The following ESRRG variants were observed in gnomAD, a reference collection of about 807,000 sequenced individuals.
The protein encoded by ESRRG is estrogen related receptor gamma.
Under a neutral mutation model 44.0 loss-of-function variants are expected in ESRRG, and 13 were observed. The observed-to-expected ratio is 0.30, with a 90% CI of 0.19 to 0.47. ESRRG has a LOEUF of 0.47. Among genes scored for constraint, ESRRG ranks in the 20% least tolerant of loss-of-function variants. The pLI is 1.00. For missense variants in ESRRG, 395 were observed against 580.6 expected (o/e 0.68, Z 3.29); for synonymous variants, 215 against 214.6 (o/e 1.00, Z -0.02).
At chr1:216,806,331 A>T (rs1390781659) in intron 2 of ESRRG, among the ~76,000 whole-genome samples, 2 of 152,184 alleles carry the variant, frequency 1.3e-5, no homozygotes, top group African/African-American at 4.8e-5. Flanking sequence ...TCAAGAGATG[A>T]TTTGAAATGT....
intron 1 of ESRRG, among the ~76,000 whole-genome samples, chr1:217,051,214 G>GGGA (rs1553259362): frequency 1.7e-4 from 20 of 116,062 alleles, no homozygotes; most frequent in African/African-American, 6.3e-4. Context: ...CGGGGGGGGG[G>GGGA]GGTGCCAGGG....
At chr1:216,806,002 A>T (rs2094780936) in intron 2 of ESRRG, among the ~76,000 whole-genome samples, 1 of 152,154 alleles carries the variant, frequency 6.6e-6, no homozygotes, top group South Asian at 2.1e-4. Flanking sequence ...TCTTTCCTCT[A>T]TGGGACTTGG....
chr1:216,790,349 A>C lies in ESRRG; in HGVS notation c.-13-112858T>G, dbSNP rs987539133. Reference sequence around the variant, plus strand: ...CTCACTTCTTTTGAGCCCATTCCCCATCTGTAAAATGGACACAATTATATT... The same window carrying C: ...CTCACTTCTTTTGAGCCCATTCCCCCTCTGTAAAATGGACACAATTATATT... On this transcript the variant is annotated intron_variant, in intron 2 of 7. Transcript: ENST00000359162. 3.9e-4 allele frequency among the ~76,000 whole-genome samples: 60 copies of C among 152,260 alleles called. 1 individual carries two copies. The highest frequency in any genetic ancestry group is 7.4e-4 in the Non-Finnish European group (50 of 68,002).
intron 4 of ESRRG, 146 bp from the exon 5 acceptor site, chr1:216,564,526 T>C: frequency 2.0e-6 from 1 of 507,688 alleles, no homozygotes; most frequent in Non-Finnish European, 3.3e-6. Flanking sequence ...TAGGTATATA[T>C]TAAACGGTGT....
intron 6 of ESRRG, among the ~76,000 whole-genome samples, chr1:216,515,668 T>C (rs2044039105): frequency 6.6e-6 from 1 of 152,092 alleles, no homozygotes; most frequent in Non-Finnish European, 1.5e-5. Context: ...AAACTTGACT[T>C]GAAAAATGTT....
chr1:216,645,322 C>T (rs1272987423), intron 3 of ESRRG, among the ~76,000 whole-genome samples: 1 of 152,054 alleles, frequency 6.6e-6, no homozygotes, highest in East Asian at 1.9e-4. Context: ...GTTCCAGCTT[C>T]ATTGATATAG....
chr1:217,071,041 T>C (rs1183249814), intron 1 of ESRRG, among the ~76,000 whole-genome samples: 3 of 152,112 alleles, frequency 2.0e-5, no homozygotes, highest in African/African-American at 7.2e-5. Flanking sequence ...TCCTCTTTCT[T>C]CTCCTCATTG....
chr1:217,046,566 A>G (rs2084914532), intron 1 of ESRRG, among the ~76,000 whole-genome samples: 1 of 152,166 alleles, frequency 6.6e-6, no homozygotes, highest in Non-Finnish European at 1.5e-5. Flanking sequence ...GATTTTTGAG[A>G]GGAAAATCTT....
chr1:216,806,398 A>C (rs191071650), intron 2 of ESRRG, among the ~76,000 whole-genome samples: 2 of 152,170 alleles, frequency 1.3e-5, no homozygotes, highest in African/African-American at 4.8e-5. Context: ...AGAATACATA[A>C]TTAGCTTGAG....
chr1:216,736,873 A>T (rs757933372), intron 2 of ESRRG, among the ~76,000 whole-genome samples: 1 of 152,136 alleles, frequency 6.6e-6, no homozygotes, highest in Non-Finnish European at 1.5e-5. Flanking sequence ...TGAGAATAGG[A>T]TCTCTATAGA....
chr1:216,994,261 T>C (rs1318275206), intron 1 of ESRRG, among the ~76,000 whole-genome samples: 1 of 152,214 alleles, frequency 6.6e-6, no homozygotes, highest in Non-Finnish European at 1.5e-5. Context: ...TCATTTCAAC[T>C]GACAATTGTT....
chr1:217,074,893 T>G (rs554884075), intron 1 of ESRRG, among the ~76,000 whole-genome samples: 1 of 152,328 alleles, frequency 6.6e-6, no homozygotes, highest in African/African-American at 2.4e-5. Flanking sequence ...AACAATGGTG[T>G]GAATAGTGTC....
At chr1:216,869,705 G>C (rs2096231997) in intron 2 of ESRRG, among the ~76,000 whole-genome samples, 1 of 151,896 alleles carries the variant, frequency 6.6e-6, no homozygotes, top group African/African-American at 2.4e-5. Flanking sequence ...ATTTATTTAG[G>C]TTAGATAGTC....
chr1:216,837,368 G>A (rs1217555218), intron 2 of ESRRG, among the ~76,000 whole-genome samples: 2 of 149,486 alleles, frequency 1.3e-5, no homozygotes, highest in East Asian at 2.0e-4. Context: ...CCAAGATCGT[G>A]CCACCGCACT....
chr1:216,913,592 C>G (rs536626470), intron 2 of ESRRG, among the ~76,000 whole-genome samples: 1 of 152,190 alleles, frequency 6.6e-6, no homozygotes, highest in Admixed American at 6.5e-5. Context: ...CAAGCGTGAG[C>G]GCTGCACTTT....
At chr1:216,941,531 A>G (rs886724829) in intron 1 of ESRRG, among the ~76,000 whole-genome samples, 10 of 152,184 alleles carry the variant, frequency 6.6e-5, no homozygotes, top group Non-Finnish European at 1.5e-4. Context: ...TCCCACACCA[A>G]CAACTATCTC....
intron 1 of ESRRG, among the ~76,000 whole-genome samples, chr1:216,969,185 G>A (rs1447200904): frequency 2.6e-5 from 4 of 152,038 alleles, no homozygotes; most frequent in Non-Finnish European, 4.4e-5. Flanking sequence ...AATCTCTGAG[G>A]ATATGGCAGT....
intron 1 of ESRRG, among the ~76,000 whole-genome samples, chr1:217,102,938 G>C (rs765125657): frequency 6.6e-6 from 1 of 152,172 alleles, no homozygotes; most frequent in Non-Finnish European, 1.5e-5. Flanking sequence ...GGCAGCTGAT[G>C]GGGGAGAGAG....
At chr1:216,865,288 C>T (rs1420519253) in intron 2 of ESRRG, 2 of 149,044 alleles carry the variant, frequency 1.3e-5, no homozygotes, top group African/African-American at 5.0e-5. Context: ...CACCTCAGAA[C>T]TTCCTTTGGA....
Sources: allele counts gnomAD v4.1 joint callset (sites outside exome capture counted in the v4.1 genomes callset), GRCh38; gene constraint gnomAD v4.1.1; transcripts MANE v1.5; gene names NCBI Gene and HGNC (gene_info 2026-07-23, HGNC 2026-07-21).